The following AVEN variants were observed in gnomAD, a reference collection of about 807,000 sequenced individuals.
AVEN encodes the protein apoptosis and caspase activation inhibitor.
A neutral mutation model predicts 38.1 loss-of-function variants in AVEN; 41 were observed. That is an observed-to-expected ratio of 1.08 (90% CI 0.84 to 1.40). The LOEUF (loss-of-function observed/expected upper bound fraction) is 1.40. AVEN is among the 40% of genes most tolerant of loss of function. The pLI, the probability that AVEN is intolerant of heterozygous loss-of-function variation, is 0.00. For missense variants in AVEN, 605 were observed against 438.8 expected (o/e 1.38, Z -3.38); for synonymous variants, 206 against 171.8 (o/e 1.20, Z -1.56).
At chr15:33,978,401 C>T (rs1005832559) in intron 2 of AVEN, among the ~76,000 whole-genome samples, 6 of 152,148 alleles carry the variant, frequency 3.9e-5, no homozygotes, top group South Asian at 2.1e-4. Flanking sequence ...CGATGGCTCA[C>T]GCCTGTAATC....
chr15:34,050,193 A>G (rs1370010664), intron 5 of AVEN, among the ~76,000 whole-genome samples: 1 of 152,132 alleles, frequency 6.6e-6, no homozygotes, highest in Non-Finnish European at 1.5e-5. Flanking sequence ...TGGCCTCAAC[A>G]TTCTAAAAGA....
intron 2 of AVEN, among the ~76,000 whole-genome samples, chr15:33,885,014 A>AT (rs1337084441): frequency 1.3e-5 from 2 of 152,210 alleles, no homozygotes; most frequent in African/African-American, 4.8e-5. Flanking sequence ...CCAATTCTGC[A>AT]TAAGTACTTC....
In AVEN at chr15:33,898,106, G is replaced by A. The variant is rs188983477; in HGVS notation, c.446-22111C>T. On this transcript the variant is annotated intron_variant, in intron 2 of 5. Coordinates refer to ENST00000306730, the MANE Select transcript of AVEN (RefSeq NM_020371.3). ...CTGGAGGCTGAGGCAGGAGAATGGC[G>A]TGAACCAGGGAGGCAAAGCTTGCAG... is the stretch of plus-strand genomic sequence containing the variant. Among the ~76,000 whole-genome samples, 19 of 151,934 alleles carry A rather than the reference G, an allele frequency of 1.3e-4. No homozygotes were observed. The East Asian group carries it at 2.7e-3, about 22-fold the overall frequency.
intron 2 of AVEN, among the ~76,000 whole-genome samples, chr15:33,896,571 C>G (rs1055038152): frequency 1.3e-5 from 2 of 152,136 alleles, no homozygotes; most frequent in Non-Finnish European, 2.9e-5. Flanking sequence ...TAACAATATC[C>G]ATGGTCTAAG....
At position 34,003,206 on chromosome 15, in the gene AVEN, C is replaced by T. The variant is rs1348176854; in HGVS notation, c.271G>A (p.Glu91Lys). Residue 91 changes from glutamate to lysine, a missense_variant, in exon 2 of 6, where the codon GAA (glutamate) becomes AAA (lysine). Glu to Lys is a moderately conservative substitution (Grantham distance 56). Transcript: ENST00000306730. ...TAGGTCTCTGCATCGCTGTCATCTTCAACCTGCAATCATTAGAGACAAATC... is the reference window on the plus strand; with the variant it reads ...TAGGTCTCTGCATCGCTGTCATCTTTAACCTGCAATCATTAGAGACAAATC... Reference protein sequence around the residue: ...GWGAGASAPVEDDSDAETYGE... With the variant: ...GWGAGASAPVKDDSDAETYGE... The T allele has an allele frequency of 2.5e-6, 4 of 1,613,158 alleles. No homozygotes were observed. Among genetic ancestry groups the T allele is most frequent in the Admixed American group, 1.7e-5 (1 of 59,948 alleles).
intron 2 of AVEN, among the ~76,000 whole-genome samples, chr15:33,986,544 G>C (rs1378474031): frequency 6.6e-6 from 1 of 152,146 alleles, no homozygotes; most frequent in Non-Finnish European, 1.5e-5. Context: ...CAAGCTTTCT[G>C]AAACTTAATG....
chr15:33,874,924 A>G (rs1891155513), intron 3 of AVEN, among the ~76,000 whole-genome samples: 1 of 152,234 alleles, frequency 6.6e-6, no homozygotes, highest in Non-Finnish European at 1.5e-5. Flanking sequence ...GTCCTAGAAT[A>G]CTAAACAGTA....
chr15:33,891,859 A>G (rs1392747013), intron 2 of AVEN, among the ~76,000 whole-genome samples: 1 of 152,150 alleles, frequency 6.6e-6, no homozygotes, highest in African/African-American at 2.4e-5. Flanking sequence ...AAGTAAAAGC[A>G]TTCCTATTTC....
intron 1 of AVEN, among the ~76,000 whole-genome samples, chr15:34,072,020 C>T (rs1038358939): frequency 6.6e-6 from 1 of 152,102 alleles, no homozygotes; most frequent in African/African-American, 2.4e-5. Context: ...AATTCCAGCA[C>T]TTTGGGAGGC....
chr15:33,889,365 T>C (rs1256402907), intron 2 of AVEN, among the ~76,000 whole-genome samples: 3 of 152,222 alleles, frequency 2.0e-5, no homozygotes, highest in Non-Finnish European at 4.4e-5. Context: ...ATCCAGCAGA[T>C]TTCTTGCTTT....
downstream of AVEN, chr15:33,854,524 A>T (rs1041378375): frequency 8.6e-5 from 112 of 1,295,122 alleles, no homozygotes; most frequent in Non-Finnish European, 1.1e-4. Context: ...GCTATGCAGG[A>T]TGCTCAGAAG....
Position 34,038,836 on chromosome 15 carries a change from C to A in AVEN, c.211G>T (p.Ala71Ser). ...GGCTCCCGGCGGCTGCCTCGCGGGG[C>A]GCCTCCTCCTCCTCGGCCTCCGCGA... ...GARGGRGGGG[A>S]PRGSRREPGG... Residue 71 changes from alanine to serine, a missense_variant, in exon 1 of 6, where the codon GCC (alanine) becomes TCC (serine). Physicochemically the swap from Ala to Ser is moderately conservative, Grantham distance 99. Transcript: ENST00000306730. 8.4e-7 allele frequency: 1 copy of A among 1,187,884 alleles called. No homozygotes were observed. Among genetic ancestry groups the A allele is most frequent in the Non-Finnish European group, 1.0e-6 (1 of 960,116 alleles). 73.6% of individuals were successfully genotyped at this position (1,187,884 alleles called of 1,614,324 possible).
upstream of AVEN, among the ~76,000 whole-genome samples, chr15:34,043,687 A>G (rs780316577): frequency 2.0e-5 from 3 of 152,230 alleles, no homozygotes; most frequent in Non-Finnish European, 4.4e-5. Context: ...AGTCATGATT[A>G]GAGAACTCCT....
chr15:33,974,802 G>A (rs563792121), intron 2 of AVEN, among the ~76,000 whole-genome samples: 3 of 152,120 alleles, frequency 2.0e-5, no homozygotes, highest in Admixed American at 6.5e-5. Context: ...TTGAAACCCC[G>A]TTTCTAATAA....
chr15:33,920,926 C>T (rs1468447831), intron 2 of AVEN, among the ~76,000 whole-genome samples: 1 of 152,108 alleles, frequency 6.6e-6, no homozygotes, highest in Non-Finnish European at 1.5e-5. Flanking sequence ...CAGGCGCACA[C>T]CACCACACCC....
At chr15:33,944,250 A>G (rs1413291138) in intron 2 of AVEN, among the ~76,000 whole-genome samples, 2 of 152,152 alleles carry the variant, frequency 1.3e-5, no homozygotes, top group Admixed American at 6.5e-5. Context: ...AAGCAACTAT[A>G]CTGTGGTAAC....
rs1294359024 is a variant in AVEN, at chr15:33,867,685, G to C, written c.783C>G (p.Ser261Arg). 2 of 1,614,140 alleles carry C rather than the reference G, an allele frequency of 1.2e-6. No individual in the cohort carries two copies. Among genetic ancestry groups the C allele is most frequent in the African/African-American group, 2.7e-5 (2 of 75,032 alleles). Residue 261 changes from serine to arginine, a missense_variant, in exon 5 of 6, where the codon AGC becomes AGG. Coordinates refer to ENST00000306730, the MANE Select transcript of AVEN (RefSeq NM_020371.3). ...TCTGAGAATCCCTTGAAGGACCCGG[G>C]CTTGGGTTGTCTTTGCCCAGCAACA... ...CPVLLGKDNPSPGPSRDSQKP... is the reference protein window; with the variant it reads ...CPVLLGKDNPRPGPSRDSQKP...
intron 2 of AVEN, among the ~76,000 whole-genome samples, chr15:33,943,378 C>G (rs905415336): frequency 6.6e-6 from 1 of 152,052 alleles, no homozygotes; most frequent in Non-Finnish European, 1.5e-5. Context: ...CTATATTATT[C>G]CATTTATATG....
chr15:33,856,976 C>T (rs2079743487), downstream of AVEN, among the ~76,000 whole-genome samples: 1 of 152,056 alleles, frequency 6.6e-6, no homozygotes, highest in South Asian at 2.1e-4. Context: ...TTTTAAGCAG[C>T]AGCATTAGAG....
Sources: allele counts gnomAD v4.1 joint callset (sites outside exome capture counted in the v4.1 genomes callset), GRCh38; gene constraint gnomAD v4.1.1; transcripts MANE v1.5; gene names NCBI Gene and HGNC (gene_info 2026-07-23, HGNC 2026-07-21).